Variants in CALN1 observed in about 807,000 individuals in gnomAD.
The protein encoded by CALN1 is calcium-binding protein 8.
A neutral mutation model predicts 30.6 loss-of-function variants in CALN1; 17 were observed. The ratio of observed to expected loss-of-function variants is 0.56; its 90% CI spans 0.38 to 0.83. The LOEUF (loss-of-function observed/expected upper bound fraction) is 0.83, where lower values mean the gene tolerates loss of function less well. Among genes scored for constraint, CALN1 ranks in the 40% least tolerant of loss-of-function variants. CALN1 has a pLI of 0.00. For missense variants in CALN1, 291 were observed against 354.9 expected, an observed-to-expected ratio of 0.82 and a Z score of 1.45; for synonymous variants, 156 against 131.4, an observed-to-expected ratio of 1.19 and a Z score of -1.28.
At chr7:72,368,971 C>T (rs1481612049) in intron 2 of CALN1, among the ~76,000 whole-genome samples, 2 of 151,772 alleles carry the variant, frequency 1.3e-5, no homozygotes, top group South Asian at 2.1e-4. Context: ...CCCGCCACCA[C>T]GCCCAGCTAA....
chr7:72,173,029 CTT>C (rs964036679), intron 3 of CALN1, among the ~76,000 whole-genome samples: 1 of 151,696 alleles, frequency 6.6e-6, no homozygotes, highest in Non-Finnish European at 1.5e-5. Context: ...AAAATGATCT[CTT>C]ATTTGCAGAT....
At chr7:71,870,500 G>A (rs1035908169) in intron 5 of CALN1, among the ~76,000 whole-genome samples, 3 of 151,990 alleles carry the variant, frequency 2.0e-5, no homozygotes, top group Non-Finnish European at 4.4e-5. Flanking sequence ...ACTCATAATT[G>A]AATATTAATT....
At chr7:71,835,967 G>A (rs954509632) in intron 5 of CALN1, among the ~76,000 whole-genome samples, 6 of 152,166 alleles carry the variant, frequency 3.9e-5, no homozygotes, top group Non-Finnish European at 7.3e-5. Context: ...TGTTAGACTC[G>A]GCTAGGTGAC....
At chr7:72,103,608 G>C (rs562451418) in intron 4 of CALN1, among the ~76,000 whole-genome samples, 1 of 152,292 alleles carries the variant, frequency 6.6e-6, no homozygotes, top group African/African-American at 2.4e-5. Context: ...GAGTTGGGTA[G>C]AAAACAGGGT....
chr7:72,058,168 C>T lies in CALN1; in HGVS notation c.389-34399G>A, dbSNP rs1803389396. Among the ~76,000 whole-genome samples the T allele has an allele frequency of 2.0e-5, 3 of 152,228 alleles. No individual in the cohort carries two copies. In the South Asian group the frequency reaches 6.2e-4, roughly 32 times the overall value. ...CCACGTTAAACACCTACACGTGCTACCAAGTCTTATCCAGATGAGACCCTG... is the reference window on the plus strand; with the variant it reads ...CCACGTTAAACACCTACACGTGCTATCAAGTCTTATCCAGATGAGACCCTG... On this transcript the variant is annotated intron_variant, in intron 4 of 6. Coordinates refer to ENST00000395275, the MANE Select transcript of CALN1 (RefSeq NM_031468.4).
At chr7:72,412,012 ACTGCATGCAGCTGAG>A (rs1047512424) in intron 1 of CALN1, 31 bp downstream of exon 1, 4 of 152,150 alleles carry the variant, frequency 2.6e-5, no homozygotes, top group African/African-American at 9.7e-5. Context: ...CCAGCTGGGA[ACTGCATGCAGCTGAG>A]CCCACCATGC....
At chr7:72,322,617 T>C (rs533063690) in intron 2 of CALN1, among the ~76,000 whole-genome samples, 21 of 151,852 alleles carry the variant, frequency 1.4e-4, no homozygotes, top group African/African-American at 5.1e-4. Context: ...TTAAAACAAT[T>C]GAACTCATAG....
chr7:72,353,477 T>C (rs1468889017), intron 2 of CALN1, among the ~76,000 whole-genome samples: 1 of 152,140 alleles, frequency 6.6e-6, no homozygotes, highest in Non-Finnish European at 1.5e-5. Context: ...AAGAAAAAAT[T>C]ACAATCATCC....
intron 5 of CALN1, among the ~76,000 whole-genome samples, chr7:71,824,358 C>G (rs1361564226): frequency 6.6e-6 from 1 of 152,082 alleles, no homozygotes; most frequent in East Asian, 1.9e-4. Flanking sequence ...GTGGACTTCC[C>G]ATGTTCAGCT....
chr7:72,278,010 G>GCC lies in CALN1; in HGVS notation c.244+675_244+676insGG, dbSNP rs1554348531. Among the ~76,000 whole-genome samples, 14 of 90,508 alleles carry GCC rather than the reference G, an allele frequency of 1.5e-4. No individual in the cohort carries two copies. The South Asian group carries it at 6.5e-3, about 42-fold the overall frequency. 59.4% of individuals were successfully genotyped at this position (90,508 alleles called of 152,430 possible). A position where few individuals can be genotyped will look rare whatever the true frequency, so the allele number is the denominator to read the frequency against. ...CAAATCAACCTAATCCTCTATTCCG[G>GCC]GGGGGGGGGACTTGTTTTTCCTATT... is the stretch of plus-strand genomic sequence containing the variant. On this transcript the variant is annotated intron_variant, in intron 3 of 6. Coordinates refer to ENST00000395275, the MANE Select transcript of CALN1 (RefSeq NM_031468.4).
At chr7:72,274,484 G>A (rs908477289) in intron 3 of CALN1, among the ~76,000 whole-genome samples, 12 of 149,136 alleles carry the variant, frequency 8.0e-5, no homozygotes, top group African/African-American at 9.9e-5. Context: ...CTCCAGCCTC[G>A]GTGAGAGTGA....
chr7:72,184,742 T>C (rs73704304), intron 3 of CALN1, among the ~76,000 whole-genome samples: 75 of 152,290 alleles, frequency 4.9e-4, no homozygotes, highest in African/African-American at 1.8e-3. Context: ...ACCTGAGTAT[T>C]CTGCAGGTAC....
At chr7:72,491,990 C>G in the CALN1 span, among the ~76,000 whole-genome samples, 1 of 152,174 alleles carries the variant, frequency 6.6e-6, no homozygotes, top group Non-Finnish European at 1.5e-5. Flanking sequence ...GGAGGCCAAA[C>G]AAGGGACTCC....
intron 4 of CALN1, among the ~76,000 whole-genome samples, chr7:72,050,994 C>CAATAAATAAATA (rs10601126): frequency 8.3e-4 from 116 of 139,278 alleles, no homozygotes; most frequent in African/African-American, 1.5e-3. Flanking sequence ...GACTCCACCA[C>CAATAAATAAATA]AATAAATAAA....
At chr7:72,355,344 G>A (rs561541730) in intron 2 of CALN1, among the ~76,000 whole-genome samples, 1 of 151,966 alleles carries the variant, frequency 6.6e-6, no homozygotes, top group South Asian at 2.1e-4. Flanking sequence ...TGGCCAACAT[G>A]GTGAAAACCC....
At position 72,094,420 on chromosome 7, in the gene CALN1, A is replaced by G. The variant is rs143945169; in HGVS notation, c.388+11731T>C. On this transcript the variant is annotated intron_variant, in intron 4 of 6. Transcript: ENST00000395275. ...CAGGCGCACACCACAACACCCAGCT[A>G]ATTCTGTATTTTTAGTAGAGATGAG... 1.4e-3 allele frequency among the ~76,000 whole-genome samples: 207 copies of G among 152,174 alleles called. 1 individual carries two copies. The highest frequency in any genetic ancestry group is 4.8e-3 in the African/African-American group (198 of 41,534).
intron 2 of CALN1, among the ~76,000 whole-genome samples, chr7:72,398,462 A>G (rs183264283): frequency 7.2e-5 from 11 of 152,262 alleles, no homozygotes; most frequent in Middle Eastern, 3.2e-3. Flanking sequence ...TTATTTTTAG[A>G]TCACATATCA....
chr7:72,079,761 CTTTTT>C (rs3065015), intron 4 of CALN1, among the ~76,000 whole-genome samples: 17,768 of 103,396 alleles, frequency 0.17, 1,336 homozygotes, highest in Middle Eastern at 0.25. Flanking sequence ...TGCCTTTTTC[CTTTTT>C]TTTTTTTTTT....
intron 3 of CALN1, among the ~76,000 whole-genome samples, chr7:72,273,052 C>A (rs1274620441): frequency 1.3e-5 from 2 of 151,854 alleles, no homozygotes; most frequent in African/African-American, 4.8e-5. Context: ...CCACCGAGAC[C>A]CCCACCTCTG....
Sources: gnomAD v4.1 joint callset for allele counts (sites outside exome capture counted in the v4.1 genomes callset) on GRCh38, gnomAD v4.1.1 for gene constraint, MANE v1.5 for transcripts, NCBI Gene and HGNC (gene_info 2026-07-23, HGNC 2026-07-21) for gene names.